CIZ1: variants seen among roughly 807,000 people sequenced by gnomAD.
The protein encoded by CIZ1 is cip1-interacting zinc finger protein.
Under a neutral mutation model 118.6 loss-of-function variants are expected in CIZ1, and 58 were observed. The ratio of observed to expected loss-of-function variants is 0.49; its 90% confidence interval spans 0.40 to 0.61. The LOEUF (loss-of-function observed/expected upper bound fraction) is 0.61, where lower values mean the gene tolerates loss of function less well. CIZ1 is among the 20% of genes least tolerant of loss of function. CIZ1 has a pLI of 0.00. For missense variants in CIZ1, 921 were observed against 1,115.9 expected (o/e 0.83, Z 2.49); for synonymous variants, 448 against 443.4 (o/e 1.01, Z -0.13).
chr9:128,203,436 C>T lies in CIZ1; in HGVS notation c.-6+750G>A, dbSNP rs778217684. 80 of 1,431,890 alleles carry T rather than the reference C, an allele frequency of 5.6e-5. No individual in the cohort carries two copies. The highest frequency in any genetic ancestry group is 7.0e-5 in the Non-Finnish European group (76 of 1,089,156). The allele number at this position is 1,431,890 out of a possible 1,614,324, so 88.7% of individuals were successfully genotyped here. On this transcript the variant is annotated intron_variant, in intron 1 of 17. Coordinates refer to the CIZ1 transcript ENST00000372948. This position sits in a 1 kb window ranked among gnomAD's most constrained non-coding sequence, Gnocchi z 5.3. ...GAGTCGGAGCCGGGAGCGCTAGCGG[C>T]AGCCGGATCGCAGCCTGCGGGGCCC...
chr9:128,190,453 T>A lies in CIZ1; in HGVS notation c.171-9A>T. 6.3e-7 allele frequency: 1 copy of A among 1,594,726 alleles called. No homozygotes were observed. ...GCTGCGGGGGGAGCCCCCTGTGTGT[T>A]GGGAGGGGGTGTCAGAGGGTTATTT... On this transcript the variant is annotated splice_polypyrimidine_tract_variant and intron_variant, in intron 2 of 16. Transcript: ENST00000372938.
chr9:128,203,752 C>A lies in CIZ1; in HGVS notation c.-6+434G>T. 1.1e-6 allele frequency: 1 copy of A among 891,074 alleles called. No individual in the cohort carries two copies. Among genetic ancestry groups the A allele is most frequent in the Non-Finnish European group, 1.4e-6 (1 of 689,934 alleles). The allele number at this position is 891,074 out of a possible 1,614,324, so 55.2% of individuals were successfully genotyped here. A position where few individuals can be genotyped will look rare whatever the true frequency, so the allele number is the denominator to read the frequency against. ...CGACGCTGCACCCGCGGCCGGCGCG[C>A]CCCCCACCCCCAGCCGGAGCGAGGA... On this transcript the variant is annotated intron_variant, in intron 1 of 17. Transcript: ENST00000372948. This position sits in a 1 kb window ranked among gnomAD's most constrained non-coding sequence, Gnocchi z 5.3.
chr9:128,168,933 G>T, intron 14 of CIZ1, 119 bp downstream of exon 14: 3 of 1,376,588 alleles, frequency 2.2e-6, no homozygotes, highest in Non-Finnish European at 3.0e-6. Context: ...AATCAGTTGT[G>T]GCATGCATTA....
At position 128,191,250 on chromosome 9, in the gene CIZ1, A is replaced by C; in HGVS notation, c.-6+182T>G. ...ACCCTCTCTGGGCCCCCGGGTGTCA[A>C]TAACATCGGCACCCGTCCAACCCGG... On this transcript the variant is annotated intron_variant, in intron 1 of 16. Coordinates refer to ENST00000372938, the MANE Select transcript of CIZ1 (RefSeq NM_001131016.2). The surrounding 1 kb of genome is among the most constrained non-coding windows in gnomAD (Gnocchi z 5.5). The C allele has an allele frequency of 4.1e-6, 1 of 241,230 alleles. No individual in the cohort carries two copies. Among genetic ancestry groups the C allele is most frequent in the Non-Finnish European group, 7.9e-6 (1 of 126,116 alleles). 14.9% of individuals were successfully genotyped at this position (241,230 alleles called of 1,614,324 possible).
upstream of CIZ1, among the ~76,000 whole-genome samples, chr9:128,194,597 G>T (rs1833331165): frequency 6.6e-6 from 1 of 151,636 alleles, no homozygotes; most frequent in Non-Finnish European, 1.5e-5. Flanking sequence ...TGGGTGGATC[G>T]CCTGAGGTCA....
At chr9:128,167,751 C>T (rs1829609611) in intron 14 of CIZ1, 2 of 154,332 alleles carry the variant, frequency 1.3e-5, no homozygotes, top group African/African-American at 4.8e-5. Context: ...TGACTCTGGC[C>T]GTGTCAGCCC....
chr9:128,182,806 T>A (rs995861743), intron 5 of CIZ1, among the ~76,000 whole-genome samples: 1 of 151,834 alleles, frequency 6.6e-6, no homozygotes, highest in African/African-American at 2.4e-5. Context: ...TTTTCTTCCA[T>A]AGAGCCAGGG....
chr9:128,203,152 G>A lies in CIZ1; in HGVS notation c.-6+1034C>T, dbSNP rs1833587058. On this transcript the variant is annotated intron_variant, in intron 1 of 17. Coordinates refer to the CIZ1 transcript ENST00000372948. This position sits in a 1 kb window ranked among gnomAD's most constrained non-coding sequence, Gnocchi z 5.3. ...CACTCTCCAAGAGGCCTGGTACTAGGAGTGAGACCCAACCCATTGACAAAT... is the reference window on the plus strand; with the variant it reads ...CACTCTCCAAGAGGCCTGGTACTAGAAGTGAGACCCAACCCATTGACAAAT... 6.6e-6 allele frequency among the ~76,000 whole-genome samples: 1 copy of A among 152,200 alleles called. No individual in the cohort carries two copies. Among genetic ancestry groups the A allele is most frequent in the South Asian group, 2.1e-4 (1 of 4,830 alleles).
chr9:128,173,133 T>TTC (rs753179602), intron 11 of CIZ1, among the ~76,000 whole-genome samples: 1 of 143,704 alleles, frequency 7.0e-6, no homozygotes, highest in African/African-American at 2.7e-5. Context: ...CCTGGCTAAT[T>TTC]TCTTTTTTTT....
At position 128,203,925 on chromosome 9, in the gene CIZ1, A is replaced by C; in HGVS notation, c.-6+261T>G. Reference sequence around the variant, plus strand: ...ACGCTCTGCCAGAAGCCCCGGGCAAAGAGCTGCCCCCCGCCCCCAACATGG... The same window carrying C: ...ACGCTCTGCCAGAAGCCCCGGGCAACGAGCTGCCCCCCGCCCCCAACATGG... On this transcript the variant is annotated intron_variant, in intron 1 of 17. Transcript: ENST00000372948. The surrounding 1 kb of genome is among the most constrained non-coding windows in gnomAD (Gnocchi z 5.3). 1 of 196,258 alleles carries C rather than the reference A, an allele frequency of 5.1e-6. No homozygotes were observed. Among genetic ancestry groups the C allele is most frequent in the Non-Finnish European group, 1.0e-5 (1 of 97,546 alleles). The allele number at this position is 196,258 out of a possible 1,614,324, so 12.2% of individuals were successfully genotyped here. A position where few individuals can be genotyped will look rare whatever the true frequency, so the allele number is the denominator to read the frequency against.
intron 7 of CIZ1, 91 bp downstream of exon 7, chr9:128,180,324 G>A: frequency 1.1e-6 from 1 of 911,056 alleles, no homozygotes. Context: ...TCCACTGAAT[G>A]GTGCACCCCC....
intron 5 of CIZ1, among the ~76,000 whole-genome samples, chr9:128,183,277 C>T (rs1350776184): frequency 6.6e-6 from 1 of 152,214 alleles, no homozygotes; most frequent in African/African-American, 2.4e-5. Context: ...AGTCAGGAGG[C>T]CTGGGCTCTG....
intron 1 of CIZ1, chr9:128,198,278 A>G (rs1209701602): frequency 6.6e-6 from 1 of 152,276 alleles, no homozygotes; most frequent in Non-Finnish European, 1.5e-5. Flanking sequence ...TGTGACTTCC[A>G]TTCCAGCAGG....
Position 128,203,567 on chromosome 9 carries a change from C to G in CIZ1, c.-6+619G>C, listed in dbSNP as rs1458807270. ...CCAGAACGCGGACCTCGACCTGCCG[C>G]AGATCGCTGTGGTGGGCGGCCAGAG... On this transcript the variant is annotated intron_variant, in intron 1 of 17. Coordinates refer to the CIZ1 transcript ENST00000372948. This position sits in a 1 kb window ranked among gnomAD's most constrained non-coding sequence, Gnocchi z 5.3. 6.4e-7 allele frequency: 1 copy of G among 1,551,514 alleles called. No homozygotes were observed.
At chr9:128,199,182 A>G (rs1833450237) in intron 1 of CIZ1, among the ~76,000 whole-genome samples, 1 of 152,102 alleles carries the variant, frequency 6.6e-6, no homozygotes, top group African/African-American at 2.4e-5. Flanking sequence ...AGCCTGGCCA[A>G]CATGGTGAAA....
At chr9:128,175,595 A>C (rs1006254717) in intron 11 of CIZ1, among the ~76,000 whole-genome samples, 1 of 152,188 alleles carries the variant, frequency 6.6e-6, no homozygotes, top group Non-Finnish European at 1.5e-5. Flanking sequence ...GACTCAAGGG[A>C]CCGTCCAGCC....
intron 14 of CIZ1, 152 bp downstream of exon 14, chr9:128,168,900 T>C: frequency 9.3e-7 from 1 of 1,078,236 alleles, no homozygotes; most frequent in South Asian, 1.5e-5. Flanking sequence ...AATTACATAG[T>C]CATGCAGAAG....
chr9:128,192,590 T>A (rs1226996978), upstream of CIZ1, among the ~76,000 whole-genome samples: 2 of 152,188 alleles, frequency 1.3e-5, no homozygotes, highest in African/African-American at 4.8e-5. Context: ...TCGCCCAGGC[T>A]GAAGTGCAGT....
At position 128,203,563 on chromosome 9, in the gene CIZ1, GC is replaced by G; in HGVS notation, c.-6+622del. ...TCGGCCAGAACGCGGACCTCGACCT[GC>G]CGCAGATCGCTGTGGTGGGCGGCCA... On this transcript the variant is annotated intron_variant, in intron 1 of 17. Coordinates refer to the CIZ1 transcript ENST00000372948. The surrounding 1 kb of genome is among the most constrained non-coding windows in gnomAD (Gnocchi z 5.3). 1 of 1,550,696 alleles carries G rather than the reference GC, an allele frequency of 6.4e-7. No homozygotes were observed. Among genetic ancestry groups the G allele is most frequent in the Non-Finnish European group, 8.7e-7 (1 of 1,151,874 alleles).
Sources: gnomAD v4.1 joint callset for allele counts (sites outside exome capture counted in the v4.1 genomes callset) on GRCh38, gnomAD v4.1.1 for gene constraint, Gnocchi (gnomAD v3.1) non-coding constraint, MANE v1.5 for transcripts, NCBI Gene and HGNC (gene_info 2026-07-23, HGNC 2026-07-21) for gene names.